NXPE2: variants seen among roughly 807,000 people sequenced by gnomAD.
NXPE2 encodes neurexophilin and PC-esterase domain family member 2, also known as NXPE family member 2.
NXPE2 carries 34 observed loss-of-function variants against 34.4 expected under a neutral mutation model. The observed-to-expected ratio is 0.99, with a 90% CI of 0.75 to 1.31. The LOEUF (loss-of-function observed/expected upper bound fraction) is 1.31, where lower values mean the gene tolerates loss of function less well. Among genes scored for constraint, NXPE2 ranks in the 40% most tolerant of loss-of-function variants. NXPE2 has a pLI of 0.00. For synonymous variants in NXPE2, 235 were observed against 231.3 expected (o/e 1.02, Z -0.15); for missense variants, 649 against 672.5 (o/e 0.97, Z 0.39).
chr11:114,648,495 TAGTC>T, the NXPE2 span, among the ~76,000 whole-genome samples: 1 of 152,240 alleles, frequency 6.6e-6, no homozygotes, highest in Admixed American at 6.5e-5. Context: ...CAATTTGCTT[TAGTC>T]AGTCTACTAA....
chr11:114,564,506 TG>T, the NXPE2 span, among the ~76,000 whole-genome samples: 1 of 152,214 alleles, frequency 6.6e-6, no homozygotes, highest in Non-Finnish European at 1.5e-5. Flanking sequence ...TTAATTGTAG[TG>T]TTATATGTGT....
the NXPE2 span, among the ~76,000 whole-genome samples, chr11:114,650,419 A>C: frequency 1.3e-5 from 2 of 152,222 alleles, no homozygotes; most frequent in African/African-American, 4.8e-5. Flanking sequence ...AGACTCAGAG[A>C]AGACCAGGAG....
chr11:114,477,682 A>G, the NXPE2 span, among the ~76,000 whole-genome samples: 9 of 152,028 alleles, frequency 5.9e-5, no homozygotes, highest in African/African-American at 1.9e-4. Context: ...TTCAAATACT[A>G]TGCTGAGTGA....
chr11:114,551,321 T>A, the NXPE2 span: 7 of 1,376,184 alleles, frequency 5.1e-6, no homozygotes, highest in Non-Finnish European at 5.8e-6. Flanking sequence ...TCTCCTTTTG[T>A]GAGTCACTGT....
At chr11:114,571,438 A>G in the NXPE2 span, 5 of 1,610,088 alleles carry the variant, frequency 3.1e-6, no homozygotes, top group Admixed American at 3.3e-5. Flanking sequence ...TGGTGTTGCA[A>G]TTTTCCAGAT....
chr11:114,679,869 C>A, intron 2 of NXPE2, 107 bp downstream of exon 2: 2 of 656,306 alleles, frequency 3.0e-6, no homozygotes. Flanking sequence ...ATCATCTTAG[C>A]AGGAGAATGT....
At chr11:114,606,779 C>A in the NXPE2 span, among the ~76,000 whole-genome samples, 1 of 151,786 alleles carries the variant, frequency 6.6e-6, no homozygotes, top group African/African-American at 2.4e-5. Context: ...CCACTATTAT[C>A]CAGTCGATAA....
chr11:114,632,139 AATTT>A, the NXPE2 span, among the ~76,000 whole-genome samples: 1 of 143,810 alleles, frequency 7.0e-6, no homozygotes, highest in South Asian at 2.1e-4. Flanking sequence ...AATATATTAT[AATTT>A]ATTATGTTAT....
At chr11:114,640,842 T>C in the NXPE2 span, among the ~76,000 whole-genome samples, 7 of 152,076 alleles carry the variant, frequency 4.6e-5, no homozygotes, top group African/African-American at 1.7e-4. Flanking sequence ...TCCATGTAGA[T>C]TCTGGATATT....
chr11:114,547,638 G>T, the NXPE2 span, among the ~76,000 whole-genome samples: 1 of 152,164 alleles, frequency 6.6e-6, no homozygotes, highest in Non-Finnish European at 1.5e-5. Context: ...GGGAGGCTGA[G>T]GCAGGAGGAT....
At chr11:114,747,246 G>A in the NXPE2 span, among the ~76,000 whole-genome samples, 2 of 152,134 alleles carry the variant, frequency 1.3e-5, no homozygotes, top group Non-Finnish European at 2.9e-5. Flanking sequence ...TCAATTAGGT[G>A]TCTGACTCCC....
At chr11:114,512,925 G>A in the NXPE2 span, 11 of 308,588 alleles carry the variant, frequency 3.6e-5, no homozygotes, top group African/African-American at 8.8e-5. Context: ...GAGAGGTGCC[G>A]CTGGAAAACT....
chr11:114,770,378 G>A, the NXPE2 span, among the ~76,000 whole-genome samples: 2 of 152,192 alleles, frequency 1.3e-5, no homozygotes, highest in Admixed American at 1.3e-4. Context: ...TATGTGTGTG[G>A]CTATGTGTGT....
chr11:114,472,393 A>T, the NXPE2 span, among the ~76,000 whole-genome samples: 27 of 152,234 alleles, frequency 1.8e-4, no homozygotes, highest in Admixed American at 5.2e-4. Flanking sequence ...GAGGAGCTAA[A>T]AAAAAAATCA....
chr11:114,704,862 G>A (rs1240417367), intron 4 of NXPE2, among the ~76,000 whole-genome samples: 1 of 152,176 alleles, frequency 6.6e-6, no homozygotes, highest in Non-Finnish European at 1.5e-5. Flanking sequence ...AGATTCTTGA[G>A]GCAATTTGAA....
the NXPE2 span, among the ~76,000 whole-genome samples, chr11:114,663,686 CTATCTATCTA>C: frequency 4.1e-5 from 6 of 146,260 alleles, no homozygotes; most frequent in African/African-American, 1.6e-4. Context: ...ATTTATCTAT[CTATCTATCTA>C]TCTATCTATC....
At chr11:114,545,052 A>T in the NXPE2 span, among the ~76,000 whole-genome samples, 2 of 152,224 alleles carry the variant, frequency 1.3e-5, no homozygotes, top group Non-Finnish European at 2.9e-5. Context: ...TTTAAAAAAA[A>T]ACCTGACAAT....
chr11:114,570,497 T>C, the NXPE2 span: 1 of 155,568 alleles, frequency 6.4e-6, no homozygotes, highest in Non-Finnish European at 1.4e-5. Flanking sequence ...GAATTCTCTC[T>C]ATGACTATGG....
the NXPE2 span, among the ~76,000 whole-genome samples, chr11:114,603,142 T>C: frequency 6.6e-6 from 1 of 151,938 alleles, no homozygotes; most frequent in African/African-American, 2.4e-5. Context: ...ATAATAATTA[T>C]TGCCTTGTCT....
Sources: allele counts gnomAD v4.1 joint callset (sites outside exome capture counted in the v4.1 genomes callset), GRCh38; gene constraint gnomAD v4.1.1; transcripts MANE v1.5; gene names NCBI Gene and HGNC (gene_info 2026-07-23, HGNC 2026-07-21).